SCN7A: variants seen among roughly 807,000 people sequenced by gnomAD.
The protein encoded by SCN7A is sodium channel protein type 7 subunit alpha.
A neutral mutation model predicts 155.2 loss-of-function variants in SCN7A; 138 were observed. The observed-to-expected ratio is 0.89, with a 90% CI of 0.77 to 1.02. The LOEUF (loss-of-function observed/expected upper bound fraction) is 1.02, where lower values mean the gene tolerates loss of function less well. Among genes scored for constraint, SCN7A ranks in the 50% least tolerant of loss-of-function variants. The pLI is 0.00. For synonymous variants in SCN7A, 693 were observed against 649.0 expected (o/e 1.07, Z -1.03); for missense variants, 2,058 against 1,986.6 (o/e 1.04, Z -0.68).
intron 1 of SCN7A, among the ~76,000 whole-genome samples, chr2:166,488,028 G>A (rs1219743243): frequency 6.6e-6 from 1 of 152,066 alleles, no homozygotes; most frequent in Non-Finnish European, 1.5e-5. Context: ...AGTTAACTTG[G>A]GATCAGAAGG....
intron 11 of SCN7A, among the ~76,000 whole-genome samples, chr2:166,449,222 C>A (rs1022529667): frequency 1.3e-5 from 2 of 152,066 alleles, no homozygotes; most frequent in African/African-American, 2.4e-5. Flanking sequence ...TAGAACCAGA[C>A]AATGGATGGA....
chr2:166,427,928 A>T lies in SCN7A; in HGVS notation c.2713T>A (p.Ser905Thr), dbSNP rs1701658709. ...KHLKNGCRRG[S>T]SLGQISGASK... ...GCTCCACTGATTTGACCAAGTGAAG[A>T]TCCGCGTCTGCAACCTGTCAAGATT... The change falls in exon 18 of 26, where the codon TCT (serine) becomes ACT (threonine). Residue 905 changes from serine to threonine, a missense_variant. Ser to Thr is a moderately conservative substitution (Grantham distance 58). Transcript: ENST00000643258. 1 of 1,612,708 alleles carries T rather than the reference A, an allele frequency of 6.2e-7. No individual in the cohort carries two copies. Among genetic ancestry groups the T allele is most frequent in the African/African-American group, 1.3e-5 (1 of 74,968 alleles).
At chr2:166,450,340 G>T (rs1450608632) in intron 11 of SCN7A, among the ~76,000 whole-genome samples, 4 of 152,062 alleles carry the variant, frequency 2.6e-5, no homozygotes, top group Non-Finnish European at 5.9e-5. Flanking sequence ...CTTGCGGGTG[G>T]GCAAGGGTTG....
At chr2:166,470,822 G>T in intron 6 of SCN7A, 116 bp from the exon 7 acceptor site, 1 of 807,710 alleles carries the variant, frequency 1.2e-6, no homozygotes, top group South Asian at 2.4e-5. Context: ...CATTTCCCTT[G>T]ATCACATGAT....
chr2:166,412,733 A>G, intron 22 of SCN7A, 66 bp from the exon 23 acceptor site: 3 of 1,435,526 alleles, frequency 2.1e-6, no homozygotes, highest in Non-Finnish European at 2.7e-6. Flanking sequence ...AAAACAATTT[A>G]TGACAAGAAA....
rs1402213792 is a variant in SCN7A at position 166,447,658 on chromosome 2, G to A, written c.1341C>T (p.Asp447=). 6.2e-6 allele frequency: 10 copies of A among 1,613,104 alleles called. No homozygotes were observed. The highest frequency in any genetic ancestry group is 8.5e-6 in the Non-Finnish European group (10 of 1,179,470). Reference sequence around the variant, plus strand: ...CATCTTCCAACACATCCAATGATGTGTCTGTGGAAATTGGTGACCTTTTCT... The same window carrying A: ...CATCTTCCAACACATCCAATGATGTATCTGTGGAAATTGGTGACCTTTTCT... ...EMKKRSPIST[D]TSLDVLEDAT... is the part of the protein sequence containing the mutation. Residue 447 remains aspartate, a synonymous_variant, in exon 12 of 26, where the codon GAC becomes GAT. Transcript: ENST00000643258.
chr2:166,489,025 T>G (rs1203637065), intron 1 of SCN7A, among the ~76,000 whole-genome samples: 37 of 152,180 alleles, frequency 2.4e-4, no homozygotes. Context: ...GAAGTCATAT[T>G]TGCAAGGATG....
chr2:166,427,591 T>C (rs1701650433), intron 18 of SCN7A, among the ~76,000 whole-genome samples, 197 bp downstream of exon 18: 1 of 152,052 alleles, frequency 6.6e-6, no homozygotes, highest in African/African-American at 2.4e-5. Context: ...TTAAATTTAA[T>C]ATTGAATGAT....
At chr2:166,472,274 T>G (rs775975586) in intron 6 of SCN7A, 43 bp downstream of exon 6, 1 of 1,531,956 alleles carries the variant, frequency 6.5e-7, no homozygotes, top group East Asian at 2.3e-5. Flanking sequence ...AAACATTTTC[T>G]GAGCAAAACA....
chr2:166,481,792 C>T (rs1702933349), intron 2 of SCN7A, among the ~76,000 whole-genome samples: 1 of 152,134 alleles, frequency 6.6e-6, no homozygotes, highest in Non-Finnish European at 1.5e-5. Context: ...GTGGAAAAAA[C>T]TCAAGTACAA....
chr2:166,491,663 A>G (rs1420689502), intron 1 of SCN7A, among the ~76,000 whole-genome samples: 3 of 151,154 alleles, frequency 2.0e-5, no homozygotes, highest in South Asian at 4.2e-4. Flanking sequence ...GAAGGAACCA[A>G]CGCAGGAAAA....
At chr2:166,423,829 A>T (rs1701563845) in intron 18 of SCN7A, among the ~76,000 whole-genome samples, 1 of 152,090 alleles carries the variant, frequency 6.6e-6, no homozygotes, top group Non-Finnish European at 1.5e-5. Context: ...TATGCCACTT[A>T]CTCATAGAGA....
intron 20 of SCN7A, among the ~76,000 whole-genome samples, chr2:166,420,204 C>G (rs1273483137): frequency 2.0e-5 from 3 of 151,406 alleles, no homozygotes; most frequent in Non-Finnish European, 4.4e-5. Context: ...CACATTTCAC[C>G]AAGTGGAAGG....
intron 2 of SCN7A, among the ~76,000 whole-genome samples, chr2:166,484,437 T>C (rs191889829): frequency 1.9e-4 from 29 of 151,898 alleles, no homozygotes; most frequent in South Asian, 6.2e-4. Context: ...TATGGTTATA[T>C]AAATATATAA....
chr2:166,452,637 T>C (rs894255589), intron 11 of SCN7A, among the ~76,000 whole-genome samples: 1 of 152,208 alleles, frequency 6.6e-6, no homozygotes, highest in Non-Finnish European at 1.5e-5. Context: ...TTTATATACA[T>C]GATTATCTTC....
chr2:166,440,045 G>T (rs1471321216), intron 15 of SCN7A, among the ~76,000 whole-genome samples: 1 of 152,130 alleles, frequency 6.6e-6, no homozygotes, highest in East Asian at 1.9e-4. Context: ...TTCCATAGAT[G>T]CAGTGAAAGC....
intron 25 of SCN7A, among the ~76,000 whole-genome samples, chr2:166,408,234 C>T (rs970226124): frequency 6.6e-6 from 1 of 151,900 alleles, no homozygotes; most frequent in Non-Finnish European, 1.5e-5. Context: ...TCAGCTATAT[C>T]ATTTCCTACC....
Position 166,477,581 on chromosome 2 carries a change from T to C in SCN7A, c.116A>G (p.Lys39Arg). Residue 39 changes from lysine to arginine, a missense_variant, in exon 3 of 26, where the codon AAG becomes AGG. Physicochemically the swap from Lys to Arg is conservative, Grantham distance 26 (BLOSUM62 2). Coordinates refer to ENST00000643258, the MANE Select transcript of SCN7A (RefSeq NM_002976.4). Reference protein sequence around the residue: ...HNEDHEEEDLKPTPDLEVGKK... With the variant: ...HNEDHEEEDLRPTPDLEVGKK... ...GCCAACTTCCAAATCAGGAGTTGGC[T>C]TTAAGTCTTCTTCTTCATGGTCTTC... 2 of 1,588,418 alleles carry C rather than the reference T, an allele frequency of 1.3e-6. No individual in the cohort carries two copies. The highest frequency in any genetic ancestry group is 1.7e-6 in the Non-Finnish European group (2 of 1,165,372).
intron 5 of SCN7A, among the ~76,000 whole-genome samples, chr2:166,473,153 T>C (rs1702697091): frequency 6.6e-6 from 1 of 151,694 alleles, no homozygotes; most frequent in Admixed American, 6.6e-5. Context: ...AAACCTGCAC[T>C]TGTGCCTCTG....
Sources: gnomAD v4.1 joint callset for allele counts (sites outside exome capture counted in the v4.1 genomes callset) on GRCh38, gnomAD v4.1.1 for gene constraint, MANE v1.5 for transcripts, NCBI Gene and HGNC (gene_info 2026-07-23, HGNC 2026-07-21) for gene names.